ETF1: variants seen among roughly 807,000 people sequenced by gnomAD.
The protein encoded by ETF1 is eukaryotic peptide chain release factor subunit 1.
A neutral mutation model predicts 55.1 loss-of-function variants in ETF1; 4 were observed. The ratio of observed to expected loss-of-function variants is 0.07; its 90% CI spans 0.04 to 0.17. The LOEUF is 0.17. ETF1 is among the 10% of genes least tolerant of loss of function. The probability of loss-of-function intolerance (pLI) is 1.00; values close to 1 mark genes in which losing one functional copy is unlikely to be tolerated. For synonymous variants in ETF1, 157 were observed against 182.3 expected (o/e 0.86, Z 1.12); for missense variants, 142 against 523.6 (o/e 0.27, Z 7.11).
At chr5:138,541,511 A>G in intron 2 of ETF1, 1 of 1,530,412 alleles carries the variant, frequency 6.5e-7, no homozygotes, top group Non-Finnish European at 8.8e-7. Context: ...AACACTAGTA[A>G]AACCAACCTG....
chr5:138,510,009 A>G (rs1764702901), intron 9 of ETF1, among the ~76,000 whole-genome samples: 1 of 149,762 alleles, frequency 6.7e-6, no homozygotes, highest in Non-Finnish European at 1.5e-5. Flanking sequence ...ATAGTGAGCT[A>G]TGATTGTGCC....
At chr5:138,529,387 T>C (rs1765603562) in intron 2 of ETF1, among the ~76,000 whole-genome samples, 1 of 152,170 alleles carries the variant, frequency 6.6e-6, no homozygotes, top group Non-Finnish European at 1.5e-5. Context: ...ACTAAGGAGA[T>C]GCTGGCTACA....
chr5:138,521,048 A>T (rs1765212766), intron 2 of ETF1, among the ~76,000 whole-genome samples: 1 of 152,292 alleles, frequency 6.6e-6, no homozygotes, highest in Middle Eastern at 3.4e-3. Flanking sequence ...TCATAGCAGC[A>T]TTATTCACAA....
chr5:138,542,134 C>T (rs1309048515), intron 2 of ETF1, among the ~76,000 whole-genome samples: 2 of 152,160 alleles, frequency 1.3e-5, no homozygotes, highest in African/African-American at 4.8e-5. Flanking sequence ...CGTATTTCTC[C>T]TGGACATACA....
chr5:138,518,627 C>T, intron 3 of ETF1, 65 bp downstream of exon 3: 4 of 1,346,552 alleles, frequency 3.0e-6, no homozygotes, highest in Non-Finnish European at 3.1e-6. Flanking sequence ...AGCACCATAG[C>T]AGCATCACAG....
chr5:138,543,130 C>T lies in ETF1; in HGVS notation c.-52G>A. On this transcript the variant is annotated 5_prime_UTR_variant, in exon 1 of 11. Transcript: ENST00000360541. ...CCAGTCCTGGGCGGCAGCGGCTGCT[C>T]CTCCCCGGCGGCGGCTCCGCGGCGG... The T allele has an allele frequency of 1.7e-6, 1 of 587,202 alleles. No individual in the cohort carries two copies. The highest frequency in any genetic ancestry group is 3.0e-6 in the Non-Finnish European group (1 of 337,914). The allele number at this position is 587,202 out of a possible 1,614,324, so 36.4% of individuals were successfully genotyped here.
intron 2 of ETF1, among the ~76,000 whole-genome samples, chr5:138,519,476 A>T (rs796336044): frequency 7.7e-4 from 117 of 151,980 alleles, no homozygotes; most frequent in African/African-American, 2.7e-3. Context: ...AGCCTGGCCA[A>T]CAGAGTGAAA....
chr5:138,533,801 A>C (rs1765804091), intron 2 of ETF1, among the ~76,000 whole-genome samples: 1 of 152,214 alleles, frequency 6.6e-6, no homozygotes, highest in African/African-American at 2.4e-5. Context: ...TCAAACCATC[A>C]TACTATATTA....
At chr5:138,517,885 G>A (rs538225661) in intron 3 of ETF1, 185 bp from the exon 4 acceptor site, 17 of 984,992 alleles carry the variant, frequency 1.7e-5, no homozygotes, top group Admixed American at 6.1e-5. Flanking sequence ...CTTCTGAGAC[G>A]TTTCAGTACG....
At chr5:138,515,482 T>C (rs1764980965) in intron 4 of ETF1, among the ~76,000 whole-genome samples, 1 of 152,166 alleles carries the variant, frequency 6.6e-6, no homozygotes, top group Admixed American at 6.5e-5. Context: ...ACGTTAATAA[T>C]ATAGCCTTAT....
chr5:138,542,518 C>G (rs1052920337), intron 2 of ETF1: 2 of 842,774 alleles, frequency 2.4e-6, no homozygotes, highest in African/African-American at 3.6e-5. Context: ...GGTGGCAGCA[C>G]CTGGAGCCCG....
intron 2 of ETF1, chr5:138,529,780 T>C: frequency 1.1e-6 from 1 of 901,360 alleles, no homozygotes; most frequent in African/African-American, 1.8e-5. Flanking sequence ...AGAGATGGGG[T>C]CTTGCTCTGT....
At chr5:138,516,133 T>C (rs927973231) in intron 4 of ETF1, among the ~76,000 whole-genome samples, 2 of 152,146 alleles carry the variant, frequency 1.3e-5, no homozygotes, top group African/African-American at 2.4e-5. Flanking sequence ...CTCAAAAGTT[T>C]CAGGGGAAAG....
At position 138,507,232 on chromosome 5, in the gene ETF1, C is replaced by T. The variant is rs1764591475; in HGVS notation, c.*1073G>A. 7.6e-6 allele frequency: 1 copy of T among 131,384 alleles called. No individual in the cohort carries two copies. Among genetic ancestry groups the T allele is most frequent in the Admixed American group, 8.6e-5 (1 of 11,636 alleles). 8.1% of individuals were successfully genotyped at this position (131,384 alleles called of 1,614,324 possible). A position where few individuals can be genotyped will look rare whatever the true frequency, so the allele number is the denominator to read the frequency against. On this transcript the variant is annotated 3_prime_UTR_variant, in exon 11 of 11. Coordinates refer to ENST00000360541, the MANE Select transcript of ETF1 (RefSeq NM_004730.4). ...GTGCTTGTAAGTCCCACATTTGAAA[C>T]AGATGCTCCAACCCCACCAGGAGGT...
At chr5:138,532,944 CTT>C (rs1249359363) in intron 2 of ETF1, among the ~76,000 whole-genome samples, 1 of 146,018 alleles carries the variant, frequency 6.8e-6, no homozygotes. Context: ...ATATAAGCTT[CTT>C]TTTTTTTTTT....
At chr5:138,533,223 C>T (rs1159285712) in intron 2 of ETF1, among the ~76,000 whole-genome samples, 3 of 151,840 alleles carry the variant, frequency 2.0e-5, no homozygotes, top group Non-Finnish European at 2.9e-5. Context: ...CGTGAGCCAC[C>T]GGGCCCAGCC....
Position 138,532,045 on chromosome 5 carries a change from C to CA in ETF1, c.86+10787dup, listed in dbSNP as rs1256776606. Among the ~76,000 whole-genome samples, 17 of 112,296 alleles carry CA rather than the reference C, an allele frequency of 1.5e-4. No homozygotes were observed. The Admixed American group carries it at 1.7e-3, about 11-fold the overall frequency. 73.7% of individuals were successfully genotyped at this position (112,296 alleles called of 152,430 possible). A position where few individuals can be genotyped will look rare whatever the true frequency, so the allele number is the denominator to read the frequency against. On this transcript the variant is annotated intron_variant, in intron 2 of 10. Coordinates refer to ENST00000360541, the MANE Select transcript of ETF1 (RefSeq NM_004730.4). ...TGGGCGACAGAGCGAGACTCCGCCT[C>CA]AAAAAAATAAAATAAAATAAATAAA...
rs1764560204 is a variant in ETF1 at position 138,506,420 on chromosome 5, A to C, written c.*1885T>G. On this transcript the variant is annotated 3_prime_UTR_variant, in exon 11 of 11. Transcript: ENST00000360541. ...AAATGTATCATGTGAAACAACAAGC[A>C]TATTCAAAAATGTAAATTTACATCC... The C allele has an allele frequency of 6.5e-6, 1 of 152,700 alleles. No individual in the cohort carries two copies. The highest frequency in any genetic ancestry group is 1.5e-5 in the Non-Finnish European group (1 of 68,050). 9.5% of individuals were successfully genotyped at this position (152,700 alleles called of 1,614,324 possible). A position where few individuals can be genotyped will look rare whatever the true frequency, so the allele number is the denominator to read the frequency against.
At chr5:138,530,844 T>G (rs989672866) in intron 2 of ETF1, among the ~76,000 whole-genome samples, 1 of 152,160 alleles carries the variant, frequency 6.6e-6, no homozygotes, top group Non-Finnish European at 1.5e-5. Flanking sequence ...GGATTACAGG[T>G]GTGAGCGACT....
Sources: gnomAD v4.1 joint callset for allele counts (sites outside exome capture counted in the v4.1 genomes callset) on GRCh38, gnomAD v4.1.1 for gene constraint, MANE v1.5 for transcripts, NCBI Gene and HGNC (gene_info 2026-07-23, HGNC 2026-07-21) for gene names.